The following CTNNA3 variants were observed in gnomAD, a reference collection of about 807,000 sequenced individuals.
CTNNA3 encodes catenin alpha 3, also known as catenin alpha-3.
A neutral mutation model predicts 95.7 loss-of-function variants in CTNNA3; 76 were observed. The ratio of observed to expected loss-of-function variants is 0.79; its 90% CI spans 0.66 to 0.96. CTNNA3 has a LOEUF of 0.96. Among genes scored for constraint, CTNNA3 ranks in the 40% least tolerant of loss-of-function variants. CTNNA3 has a pLI of 0.00. For missense variants in CTNNA3, 1,191 were observed against 1,089.8 expected (o/e 1.09, Z -1.31); for synonymous variants, 431 against 374.4 (o/e 1.15, Z -1.74).
intron 7 of CTNNA3, among the ~76,000 whole-genome samples, chr10:67,026,771 T>C (rs1853416387): frequency 6.6e-6 from 1 of 152,330 alleles, no homozygotes; most frequent in Admixed American, 6.5e-5. Flanking sequence ...AAAGAGTTGA[T>C]TGACATAAGG....
chr10:67,155,576 CCAA>C (rs1246054467), intron 7 of CTNNA3, among the ~76,000 whole-genome samples: 8 of 151,256 alleles, frequency 5.3e-5, no homozygotes, highest in Non-Finnish European at 1.2e-4. Context: ...CTTTTAGTTA[CCAA>C]ATAATCCTAT....
At position 67,239,160 on chromosome 10, in the gene CTNNA3, T is replaced by G. The variant is rs191458081; in HGVS notation, c.580-19290A>C. ...GGTACGACTACTTTGGAAAATGATT[T>G]GATAGTATTTACTGAAGCTGAGTAT... On this transcript the variant is annotated intron_variant, in intron 5 of 17. Coordinates refer to ENST00000433211, the MANE Select transcript of CTNNA3 (RefSeq NM_013266.4). Among the ~76,000 whole-genome samples the G allele has an allele frequency of 7.6e-4, 116 of 152,246 alleles. 1 individual carries two copies. The highest frequency in any genetic ancestry group is 2.7e-3 in the African/African-American group (112 of 41,552).
At chr10:66,429,790 A>G (rs1008039160) in intron 11 of CTNNA3, among the ~76,000 whole-genome samples, 2 of 152,110 alleles carry the variant, frequency 1.3e-5, no homozygotes, top group African/African-American at 4.8e-5. Flanking sequence ...ACCCACAACC[A>G]ATATCATACT....
Position 67,180,413 on chromosome 10 carries a change from A to G in CTNNA3, c.951T>C (p.Ser317=). The G allele has an allele frequency of 6.2e-7, 1 of 1,613,922 alleles. No individual in the cohort carries two copies. Among genetic ancestry groups the G allele is most frequent in the Non-Finnish European group, 8.5e-7 (1 of 1,179,872 alleles). The part of the protein sequence containing the change: ...IISGAALLAD[S]SCTRDLHRER... ...CTCGGTGTAAGTCCCTCGTACATGAAGAATCCGCCAGCAGAGCAGCCCCAC... is the reference window on the plus strand; with the variant it reads ...CTCGGTGTAAGTCCCTCGTACATGAGGAATCCGCCAGCAGAGCAGCCCCAC... The change falls in exon 7 of 18, where the codon TCT becomes TCC. Residue 317 remains serine (S), a synonymous_variant. Transcript: ENST00000433211.
chr10:67,477,254 T>C (rs1848050627), intron 5 of CTNNA3, among the ~76,000 whole-genome samples: 1 of 144,614 alleles, frequency 6.9e-6, no homozygotes, highest in Non-Finnish European at 1.5e-5. Flanking sequence ...CGGTGGATGC[T>C]CACTACATTC....
At chr10:67,310,809 G>A (rs570380179) in intron 5 of CTNNA3, among the ~76,000 whole-genome samples, 8 of 152,208 alleles carry the variant, frequency 5.3e-5, no homozygotes, top group Non-Finnish European at 8.8e-5. Context: ...ACCTCCCACC[G>A]GGTCCCTCCC....
At chr10:66,238,628 T>C (rs1284858070) in intron 13 of CTNNA3, among the ~76,000 whole-genome samples, 1 of 151,714 alleles carries the variant, frequency 6.6e-6, no homozygotes, top group South Asian at 2.1e-4. Context: ...AAAAACAGAT[T>C]GGAGAATAAT....
chr10:67,334,623 T>C (rs1439571278), intron 5 of CTNNA3: 7 of 152,328 alleles, frequency 4.6e-5, no homozygotes, highest in Admixed American at 4.6e-4. Flanking sequence ...AGATGGGAGT[T>C]CCTTACTGCA....
At chr10:67,311,469 G>C (rs1840796951) in intron 5 of CTNNA3, among the ~76,000 whole-genome samples, 1 of 152,118 alleles carries the variant, frequency 6.6e-6, no homozygotes, top group Non-Finnish European at 1.5e-5. Flanking sequence ...CCTGTGGCTG[G>C]GGATTGAGAA....
At chr10:66,013,738 A>T (rs1417381564) in intron 15 of CTNNA3, among the ~76,000 whole-genome samples, 1 of 152,138 alleles carries the variant, frequency 6.6e-6, no homozygotes, top group Non-Finnish European at 1.5e-5. Context: ...AAATACGACC[A>T]AGTTTTTTAG....
chr10:66,647,383 G>A (rs1256965374), intron 9 of CTNNA3, among the ~76,000 whole-genome samples: 1 of 152,026 alleles, frequency 6.6e-6, no homozygotes, highest in Non-Finnish European at 1.5e-5. Context: ...AAATACTTTG[G>A]GAACAGGCAG....
chr10:66,454,060 T>C (rs1342124753), intron 11 of CTNNA3, among the ~76,000 whole-genome samples: 1 of 123,118 alleles, frequency 8.1e-6, no homozygotes, highest in East Asian at 2.4e-4. Context: ...TGATGAGTTG[T>C]GAGAACTCAA....
intron 17 of CTNNA3, among the ~76,000 whole-genome samples, chr10:65,956,262 A>G (rs1277004377): frequency 6.6e-6 from 1 of 152,014 alleles, no homozygotes. Context: ...TATTGCATCT[A>G]TTTGATTATT....
chr10:66,768,055 G>T (rs958626716), intron 8 of CTNNA3, among the ~76,000 whole-genome samples: 9 of 152,154 alleles, frequency 5.9e-5, no homozygotes, highest in Non-Finnish European at 1.2e-4. Context: ...GTACACCAGG[G>T]AAGTCAGGCG....
At chr10:67,378,982 C>T (rs1187265043) in intron 5 of CTNNA3, among the ~76,000 whole-genome samples, 1 of 152,074 alleles carries the variant, frequency 6.6e-6, no homozygotes, top group East Asian at 1.9e-4. Context: ...TTTCAATTGT[C>T]GTTTGTCTAC....
chr10:66,673,588 C>A (rs951643077), intron 9 of CTNNA3, among the ~76,000 whole-genome samples: 5 of 151,928 alleles, frequency 3.3e-5, no homozygotes. Flanking sequence ...AATATCTTTA[C>A]TGGTGGAAAA....
Position 66,537,051 on chromosome 10 carries a change from G to GA in CTNNA3, c.1375-16279dup, listed in dbSNP as rs11315798. On this transcript the variant is annotated intron_variant, in intron 10 of 17. Coordinates refer to ENST00000433211, the MANE Select transcript of CTNNA3 (RefSeq NM_013266.4). ...TTTTCTGTCAAACACAGTTTTTACT[G>GA]AAAAAAAAAAAGACTTACATAAAAT... Among the ~76,000 whole-genome samples, 577 of 143,442 alleles carry GA rather than the reference G, an allele frequency of 4.0e-3. 4 individuals are homozygous for GA. Among genetic ancestry groups the GA allele is most frequent in the South Asian group, 0.026 (119 of 4,532 alleles). 94.1% of individuals were successfully genotyped at this position (143,442 alleles called of 152,430 possible).
intron 6 of CTNNA3, among the ~76,000 whole-genome samples, chr10:67,212,519 A>G (rs1864180238): frequency 1.3e-5 from 2 of 151,888 alleles, no homozygotes; most frequent in Admixed American, 1.3e-4. Flanking sequence ...ATTTTTATTC[A>G]TTATGGCCTC....
intron 17 of CTNNA3, among the ~76,000 whole-genome samples, chr10:65,956,270 A>C (rs1015342158): frequency 5.9e-5 from 9 of 151,734 alleles, no homozygotes; most frequent in South Asian, 2.1e-4. Context: ...CTATTTGATT[A>C]TTCTCTCTTT....
Sources: allele counts gnomAD v4.1 joint callset (sites outside exome capture counted in the v4.1 genomes callset), GRCh38; gene constraint gnomAD v4.1.1; transcripts MANE v1.5; gene names NCBI Gene and HGNC (gene_info 2026-07-23, HGNC 2026-07-21).